Variants in ASPG observed in about 807,000 individuals in gnomAD.
ASPG encodes asparaginase.
Under a neutral mutation model 63.2 loss-of-function variants are expected in ASPG, and 53 were observed. The ratio of observed to expected loss-of-function variants is 0.84; its 90% CI spans 0.67 to 1.05. The LOEUF (loss-of-function observed/expected upper bound fraction) is 1.05. Ranked by LOEUF, ASPG falls within the 50% of genes least tolerant of loss-of-function variation. The pLI is 0.00. For missense variants in ASPG, 741 were observed against 794.4 expected (o/e 0.93, Z 0.81); for synonymous variants, 370 against 355.0 (o/e 1.04, Z -0.48).
rs750644797 is a variant in ASPG, at chr14:104,107,277, G to A, written c.1365G>A (p.Gln455=). 3 of 1,609,236 alleles carry A rather than the reference G, an allele frequency of 1.9e-6. No homozygotes were observed. Among genetic ancestry groups the A allele is most frequent in the Non-Finnish European group, 1.7e-6 (2 of 1,177,760 alleles). Residue 455 remains glutamine (Q), a synonymous_variant, in exon 12 of 16, where the codon CAG becomes CAA. Coordinates refer to ENST00000551177, the MANE Select transcript of ASPG (RefSeq NM_001080464.3). ...GHTEAVTMLL[Q]RGVDVNTRDT... is the part of the protein sequence containing the mutation. ...CAGAGGCAGTCACCATGCTGCTGCA[G>A]AGAGGTGTGGACGTGAACACCCGGG...
intron 13 of ASPG, chr14:104,111,235 G>A: frequency 2.1e-6 from 2 of 949,806 alleles, no homozygotes; most frequent in Non-Finnish European, 2.5e-6. Flanking sequence ...GTATGCTGCT[G>A]TGTATGCTGC....
chr14:104,113,055 C>G lies in ASPG; in HGVS notation c.*511C>G. The G allele has an allele frequency of 4.5e-6, 1 of 220,144 alleles. No homozygotes were observed. The highest frequency in any genetic ancestry group is 9.2e-6 in the Non-Finnish European group (1 of 108,996). 13.6% of individuals were successfully genotyped at this position (220,144 alleles called of 1,614,324 possible). ...CCAACCCCTGGATGAGCATGCTGCC[C>G]CTGCTTAACTCTTTAGTCCTCACAG... On this transcript the variant is annotated 3_prime_UTR_variant, in exon 16 of 16. Transcript: ENST00000551177.
Position 104,112,547 on chromosome 14 carries a change from T to C in ASPG, c.*3T>C, listed in dbSNP as rs758574597. ...AGGAAGTGCTGCCTGGTGTCTAACC[T>C]GAAGGCGTCCTGCTGCAGTATAAGC... On this transcript the variant is annotated 3_prime_UTR_variant, in exon 16 of 16. Transcript: ENST00000551177. 6.9e-6 allele frequency: 11 copies of C among 1,592,944 alleles called. No individual in the cohort carries two copies. Among genetic ancestry groups the C allele is most frequent in the Non-Finnish European group, 1.7e-6 (2 of 1,161,724 alleles).
At chr14:104,086,345 G>A (rs1300569279) in intron 1 of ASPG, among the ~76,000 whole-genome samples, 1 of 152,198 alleles carries the variant, frequency 6.6e-6, no homozygotes, top group East Asian at 1.9e-4. Flanking sequence ...GGGGCTACCT[G>A]GCATCTGCGG....
At chr14:104,093,216 A>T (rs987332752) in intron 2 of ASPG, 72 of 554,056 alleles carry the variant, frequency 1.3e-4, no homozygotes, top group Non-Finnish European at 2.0e-4. Context: ...CTGCCTGGGG[A>T]TGGCTGGTCC....
At chr14:104,100,067 C>A (rs1392143203) in intron 6 of ASPG, among the ~76,000 whole-genome samples, 2 of 152,200 alleles carry the variant, frequency 1.3e-5, no homozygotes, top group African/African-American at 4.8e-5. Flanking sequence ...CCTAGGGAAT[C>A]TCCCGGTGCG....
At position 104,111,530 on chromosome 14, in the gene ASPG, C is replaced by T. The variant is rs1566844343; in HGVS notation, c.1549C>T (p.Leu517=). The T allele has an allele frequency of 4.5e-6, 7 of 1,551,854 alleles. No individual in the cohort carries two copies. The highest frequency in any genetic ancestry group is 6.1e-6 in the Non-Finnish European group (7 of 1,147,590). The part of the protein sequence containing the change: ...RLAYRADLEG[L]QVWWQAGADL... ...GGCATACAGGGCCGACCTCGAAGGC[C>T]TGCAGGTGTGGTGGCAGGCAGGGGC... Residue 517 remains leucine (L), a synonymous_variant, in exon 14 of 16, where the codon CTG becomes TTG. Transcript: ENST00000551177.
rs1439854594 is a variant in ASPG, at chr14:104,110,843, T to C, written c.1521-659T>C. The C allele has an allele frequency of 2.0e-6, 2 of 985,208 alleles. No individual in the cohort carries two copies. Among genetic ancestry groups the C allele is most frequent in the Non-Finnish European group, 2.4e-6 (2 of 829,880 alleles). 61.0% of individuals were successfully genotyped at this position (985,208 alleles called of 1,614,324 possible). A position where few individuals can be genotyped will look rare whatever the true frequency, so the allele number is the denominator to read the frequency against. ...GCCTCCCCAGGTGGCGAGTGAGTTC[T>C]TCCCAGGAGGGTGGCAGGGTGAGGA... On this transcript the variant is annotated intron_variant, in intron 13 of 15. Transcript: ENST00000551177. This position sits in a 1 kb window ranked among gnomAD's most constrained non-coding sequence, Gnocchi z 4.7.
Position 104,110,419 on chromosome 14 carries a change from C to T in ASPG, c.1521-1083C>T, listed in dbSNP as rs2037336337. Reference sequence around the variant, plus strand: ...TTGCACTCCAGACAGGCCTTGCTGGCTCCATTGACAGATGGGGAAACTGAG... The same window carrying T: ...TTGCACTCCAGACAGGCCTTGCTGGTTCCATTGACAGATGGGGAAACTGAG... On this transcript the variant is annotated intron_variant, in intron 13 of 15. Coordinates refer to ENST00000551177, the MANE Select transcript of ASPG (RefSeq NM_001080464.3). The surrounding 1 kb of genome is among the most constrained non-coding windows in gnomAD (Gnocchi z 4.7). 6.1e-6 allele frequency: 6 copies of T among 985,224 alleles called. No homozygotes were observed. Among genetic ancestry groups the T allele is most frequent in the Non-Finnish European group, 7.2e-6 (6 of 829,908 alleles). The allele number at this position is 985,224 out of a possible 1,614,324, so 61.0% of individuals were successfully genotyped here.
chr14:104,095,233 C>T (rs945417903), intron 3 of ASPG, among the ~76,000 whole-genome samples: 4 of 152,214 alleles, frequency 2.6e-5, no homozygotes, highest in Non-Finnish European at 5.9e-5. Flanking sequence ...GGCGCTCTCC[C>T]GCCCTTGGGG....
chr14:104,093,411 A>G (rs889064494), intron 2 of ASPG, 80 bp from the exon 3 acceptor site: 4 of 1,292,264 alleles, frequency 3.1e-6, no homozygotes, highest in Non-Finnish European at 4.5e-6. Context: ...AGGGGAACAG[A>G]GCGGGTCAGG....
chr14:104,102,667 C>T (rs1223253625), intron 6 of ASPG, among the ~76,000 whole-genome samples: 5 of 152,136 alleles, frequency 3.3e-5, no homozygotes, highest in South Asian at 2.1e-4. Flanking sequence ...TCAGCCTTGG[C>T]GCTGGCCTCT....
At chr14:104,100,385 G>A (rs181563978) in intron 6 of ASPG, among the ~76,000 whole-genome samples, 5 of 152,314 alleles carry the variant, frequency 3.3e-5, no homozygotes, top group African/African-American at 9.6e-5. Flanking sequence ...GTGGGAGTCC[G>A]GGCTCGGTGG....
intron 1 of ASPG, among the ~76,000 whole-genome samples, chr14:104,090,087 G>A (rs1452374934): frequency 6.6e-6 from 1 of 152,084 alleles, no homozygotes; most frequent in Non-Finnish European, 1.5e-5. Context: ...GATTACAGGT[G>A]TGAGCCATAA....
Position 104,095,550 on chromosome 14 carries a change from A to G in ASPG, c.323A>G (p.His108Arg), listed in dbSNP as rs759241387. ...CTGCAGAGGCACTACGAGCAGTACC[A>G]CGGCTTTGTGGTCATCCACGGCACC... Reference protein sequence around the residue: ...QTIKRHYEQYHGFVVIHGTDT... With the variant: ...QTIKRHYEQYRGFVVIHGTDT... The change falls in exon 4 of 16, where the codon CAC becomes CGC. Residue 108 changes from histidine to arginine, a missense_variant. Transcript: ENST00000551177. The G allele has an allele frequency of 1.1e-5, 18 of 1,612,962 alleles. No homozygotes were observed. The highest frequency in any genetic ancestry group is 1.7e-4 in the Middle Eastern group (1 of 6,058).
In ASPG at chr14:104,106,076, T is replaced by C. The variant is rs1159667365; in HGVS notation, c.1173+626T>C. Among the ~76,000 whole-genome samples the C allele has an allele frequency of 2.6e-5, 4 of 152,180 alleles. No individual in the cohort carries two copies. In the East Asian group the frequency reaches 7.7e-4, roughly 29 times the overall value. The stretch of plus-strand genomic sequence containing the variant: ...GTTTCCCCCTACAGGGATGGACCTG[T>C]CTTGTGAGCCATGTGCTGGAACTGC... On this transcript the variant is annotated intron_variant, in intron 10 of 15. Transcript: ENST00000551177.
chr14:104,094,633 G>A (rs2036514702), intron 3 of ASPG, among the ~76,000 whole-genome samples: 2 of 152,192 alleles, frequency 1.3e-5, no homozygotes, highest in Admixed American at 1.3e-4. Flanking sequence ...CCCAGCAGCA[G>A]GGTGGCAGGC....
intron 6 of ASPG, among the ~76,000 whole-genome samples, chr14:104,100,087 C>G (rs2036805606): frequency 6.6e-6 from 1 of 152,176 alleles, no homozygotes; most frequent in African/African-American, 2.4e-5. Flanking sequence ...GGCAGAGGCT[C>G]CCCACTCCCC....
chr14:104,111,630 C>A (rs1470041250), intron 14 of ASPG, 29 bp downstream of exon 14: 1 of 1,530,338 alleles, frequency 6.5e-7, no homozygotes, highest in East Asian at 2.4e-5. Context: ...TGCACCCTCT[C>A]CAAAGGCTGC....
Sources: allele counts gnomAD v4.1 joint callset (sites outside exome capture counted in the v4.1 genomes callset), GRCh38; gene constraint gnomAD v4.1.1; non-coding constraint Gnocchi (gnomAD v3.1); transcripts MANE v1.5; gene names NCBI Gene and HGNC (gene_info 2026-07-23, HGNC 2026-07-21).